The following RELN variants were observed in gnomAD, a reference collection of about 807,000 sequenced individuals.
The protein encoded by RELN is reelin.
RELN carries 108 observed loss-of-function variants against 427.6 expected under a neutral mutation model. The ratio of observed to expected loss-of-function variants is 0.25; its 90% CI spans 0.22 to 0.30. RELN has a LOEUF of 0.30. RELN is among the 10% of genes least tolerant of loss of function. RELN has a pLI of 1.00. For missense variants in RELN, 3,715 were observed against 4,302.8 expected (o/e 0.86, Z 3.82); for synonymous variants, 1,524 against 1,513.4 (o/e 1.01, Z -0.16).
intron 49 of RELN, among the ~76,000 whole-genome samples, chr7:103,518,505 GTT>G (rs58239018): frequency 7.0e-5 from 8 of 114,368 alleles, no homozygotes; most frequent in African/African-American, 2.7e-4. Context: ...GGTAATTTAA[GTT>G]TTTTTTTTTT....
intron 2 of RELN, among the ~76,000 whole-genome samples, chr7:103,891,531 T>A (rs186571791): frequency 6.6e-6 from 1 of 152,076 alleles, no homozygotes; most frequent in East Asian, 1.9e-4. Context: ...CTCCTGCAGA[T>A]TTTATTCCCA....
rs969470532 is a variant in RELN at position 103,502,894 on chromosome 7, A to C, written c.8489+122T>G. ...AAGTAACCAATTAGAGAACCTTTAG[A>C]GTTAGGGAGAAAGAAAGCACTTTAC... On this transcript the variant is annotated intron_variant, in intron 52 of 64. Coordinates refer to ENST00000428762, the MANE Select transcript of RELN (RefSeq NM_005045.4). The C allele has an allele frequency of 1.8e-4, 151 of 820,534 alleles. 2 individuals carry two copies. Among genetic ancestry groups the C allele is most frequent in the Middle Eastern group, 9.6e-4 (3 of 3,112 alleles). The allele number at this position is 820,534 out of a possible 1,614,324, so 50.8% of individuals were successfully genotyped here. A position where few individuals can be genotyped will look rare whatever the true frequency, so the allele number is the denominator to read the frequency against.
intron 2 of RELN, among the ~76,000 whole-genome samples, chr7:103,858,308 A>G (rs1339216340): frequency 1.3e-5 from 2 of 152,196 alleles, no homozygotes; most frequent in Non-Finnish European, 2.9e-5. Context: ...AGGGTTAAAT[A>G]AGTCAGTATA....
At chr7:103,473,088 C>G (rs1827912502) in intron 64 of RELN, 180 bp from the exon 65 acceptor site, 2 of 711,156 alleles carry the variant, frequency 2.8e-6, no homozygotes, top group South Asian at 3.0e-5. Flanking sequence ...AAGGCTGGGA[C>G]CTATACTCAC....
At chr7:103,696,033 T>G (rs1017985931) in intron 10 of RELN, among the ~76,000 whole-genome samples, 33 of 152,118 alleles carry the variant, frequency 2.2e-4, no homozygotes, top group Admixed American at 1.7e-3. Context: ...TCAGGAGAGT[T>G]CCTGTGTTGA....
At chr7:103,719,799 G>A (rs73177995) in intron 8 of RELN, among the ~76,000 whole-genome samples, 5 of 152,294 alleles carry the variant, frequency 3.3e-5, no homozygotes, top group African/African-American at 7.2e-5. Context: ...CATAAGTTGC[G>A]TCTAATGAAT....
intron 51 of RELN, 26 bp from the exon 52 acceptor site, chr7:103,503,256 G>C: frequency 1.2e-6 from 2 of 1,602,724 alleles, no homozygotes; most frequent in Non-Finnish European, 1.7e-6. Context: ...ACAAGATCAA[G>C]GTATTAAAAC....
intron 1 of RELN, among the ~76,000 whole-genome samples, chr7:103,945,191 G>C (rs1796194795): frequency 6.6e-6 from 1 of 152,094 alleles, no homozygotes; most frequent in South Asian, 2.1e-4. Flanking sequence ...AGACCTACAA[G>C]GGGAAAGAAC....
In RELN at chr7:103,626,623, C is replaced by T. The variant is rs1462045044; in HGVS notation, c.2702+3317G>A. ...CACCTTGGCCTCCAAAGTGCACAAGCCACTGTGCCTGGCCTCAACTGTACA... is the reference window on the plus strand; with the variant it reads ...CACCTTGGCCTCCAAAGTGCACAAGTCACTGTGCCTGGCCTCAACTGTACA... On this transcript the variant is annotated intron_variant, in intron 20 of 64. Transcript: ENST00000428762. The surrounding 1 kb of genome is among the most constrained non-coding windows in gnomAD (Gnocchi z 4.4). Among the ~76,000 whole-genome samples the T allele has an allele frequency of 6.6e-6, 1 of 152,064 alleles. No homozygotes were observed.
chr7:103,521,913 G>C (rs1829716007), intron 48 of RELN, 109 bp downstream of exon 48: 2 of 1,082,436 alleles, frequency 1.8e-6, no homozygotes, highest in Non-Finnish European at 2.8e-6. Flanking sequence ...GTACATTTAG[G>C]GTAACTAACC....
chr7:103,625,489 G>A (rs1458556188), intron 20 of RELN, among the ~76,000 whole-genome samples: 1 of 152,142 alleles, frequency 6.6e-6, no homozygotes, highest in Non-Finnish European at 1.5e-5. Context: ...ATTCAAAAAA[G>A]TTGCTCATTA....
intron 1 of RELN, among the ~76,000 whole-genome samples, chr7:103,926,827 T>C (rs1795754602): frequency 6.6e-6 from 1 of 151,952 alleles, no homozygotes; most frequent in Non-Finnish European, 1.5e-5. Context: ...TTTGTATTTT[T>C]AGTAGAGATG....
At chr7:103,910,959 C>T (rs1795351263) in intron 2 of RELN, among the ~76,000 whole-genome samples, 1 of 138,760 alleles carries the variant, frequency 7.2e-6, no homozygotes, top group African/African-American at 3.0e-5. Context: ...ACTTCATGTC[C>T]AAAACACCAA....
intron 40 of RELN, 140 bp from the exon 41 acceptor site, chr7:103,551,436 G>T (rs1830408677): frequency 1.4e-6 from 1 of 714,802 alleles, no homozygotes; most frequent in Non-Finnish European, 2.5e-6. Flanking sequence ...ATTATGTTTT[G>T]CCTTACTGAG....
Position 103,575,528 on chromosome 7 carries a change from A to T in RELN, c.4303+20T>A, listed in dbSNP as rs757493006. 3.5e-5 allele frequency: 56 copies of T among 1,612,196 alleles called. No individual in the cohort carries two copies. Among genetic ancestry groups the T allele is most frequent in the Non-Finnish European group, 4.4e-5 (52 of 1,178,302 alleles). On this transcript the variant is annotated intron_variant, in intron 29 of 64. Transcript: ENST00000428762. The stretch of plus-strand genomic sequence containing the variant: ...GACTATTTTACAATAAAACCCTCAG[A>T]CACATGTATTTAGCCTTACCAGTAT...
chr7:103,604,390 G>A lies in RELN; in HGVS notation c.3102C>T (p.Pro1034=). The part of the protein sequence containing the change: ...LDSIYIGQQC[P]NMCSGHGSCD... ...ATGAGCCATGCCCACTGCACATGTT[G>A]GGGCACTGCTGCCCAATGTAAATGC... The change falls in exon 23 of 65, where the codon CCC becomes CCT. Residue 1034 remains proline, a synonymous_variant. Transcript: ENST00000428762. The A allele has an allele frequency of 6.2e-7, 1 of 1,613,874 alleles. No individual in the cohort carries two copies. The highest frequency in any genetic ancestry group is 8.5e-7 in the Non-Finnish European group (1 of 1,179,868).
Position 103,945,182 on chromosome 7 carries a change from G to C in RELN, c.227-27997C>G, listed in dbSNP as rs768325625. ...GAGCTCCCAGAGGGAGCTCTCAAAA[G>C]ACCTACAAGGGGAAAGAACAGCAGA... On this transcript the variant is annotated intron_variant, in intron 1 of 64. Transcript: ENST00000428762. Among the ~76,000 whole-genome samples the C allele has an allele frequency of 5.9e-4, 90 of 152,086 alleles. 1 individual carries two copies. The highest frequency in any genetic ancestry group is 2.1e-4 in the Non-Finnish European group (14 of 68,020).
intron 2 of RELN, among the ~76,000 whole-genome samples, chr7:103,842,211 C>A (rs1052714342): frequency 2.6e-5 from 4 of 151,124 alleles, no homozygotes; most frequent in Non-Finnish European, 5.9e-5. Flanking sequence ...TCCTTTTCAT[C>A]ATTTGCTCTT....
chr7:103,657,231 A>G (rs1383826721), intron 12 of RELN, among the ~76,000 whole-genome samples: 1 of 152,054 alleles, frequency 6.6e-6, no homozygotes, highest in African/African-American at 2.4e-5. Flanking sequence ...CATTTATATC[A>G]TATATTCAAG....
Sources: allele counts gnomAD v4.1 joint callset (sites outside exome capture counted in the v4.1 genomes callset), GRCh38; gene constraint gnomAD v4.1.1; non-coding constraint Gnocchi (gnomAD v3.1); transcripts MANE v1.5; gene names NCBI Gene and HGNC (gene_info 2026-07-23, HGNC 2026-07-21).